The following PALLD variants were observed in gnomAD, a reference collection of about 807,000 sequenced individuals.
PALLD encodes palladin, cytoskeletal associated protein, also known as palladin.
Under a neutral mutation model 123.5 loss-of-function variants are expected in PALLD, and 61 were observed. The ratio of observed to expected loss-of-function variants is 0.49; its 90% CI spans 0.40 to 0.61. PALLD has a LOEUF of 0.61. Among genes scored for constraint, PALLD ranks in the 20% least tolerant of loss-of-function variants. PALLD has a pLI of 0.00. For missense variants in PALLD, 1,273 were observed against 1,377.0 expected (o/e 0.92, Z 1.20); for synonymous variants, 465 against 496.4 (o/e 0.94, Z 0.84).
chr4:168,575,216 C>T (rs1055808998), intron 2 of PALLD, among the ~76,000 whole-genome samples: 21 of 152,126 alleles, frequency 1.4e-4, no homozygotes, highest in African/African-American at 4.1e-4. Context: ...TGGATTAGTC[C>T]GTTTTCACAC....
At chr4:168,892,959 A>G (rs997678934) in intron 11 of PALLD, among the ~76,000 whole-genome samples, 11 of 152,208 alleles carry the variant, frequency 7.2e-5, no homozygotes, top group African/African-American at 2.7e-4. Flanking sequence ...GGGATTCTCA[A>G]CCAACTTTTT....
At chr4:168,587,068 A>G (rs72982736) in intron 2 of PALLD, among the ~76,000 whole-genome samples, 12,057 of 152,286 alleles carry the variant, frequency 0.079, 523 homozygotes, top group African/African-American at 0.083. Context: ...AGTAGAAGCC[A>G]GAGAAGCTGC....
chr4:168,678,198 T>G (rs941286082), intron 3 of PALLD: 2 of 152,158 alleles, frequency 1.3e-5, no homozygotes, highest in Non-Finnish European at 2.9e-5. Context: ...ACCACTGCTT[T>G]CTAGTTATGT....
intron 10 of PALLD, chr4:168,877,604 TG>T: frequency 3.0e-6 from 1 of 332,874 alleles, no homozygotes; most frequent in Non-Finnish European, 4.6e-6. Flanking sequence ...GCCCGTTCCC[TG>T]GGTGTTCTCT....
chr4:168,701,499 A>G (rs12649675), intron 8 of PALLD, among the ~76,000 whole-genome samples: 27,878 of 152,212 alleles, frequency 0.18, 3,304 homozygotes, highest in East Asian at 0.35. Flanking sequence ...GAAAAATGGC[A>G]TGACTAAAAG....
intron 10 of PALLD, among the ~76,000 whole-genome samples, chr4:168,759,311 A>G (rs1233886647): frequency 6.8e-6 from 1 of 146,644 alleles, no homozygotes; most frequent in Non-Finnish European, 1.5e-5. Context: ...TTCCAGTTCA[A>G]TCATCCCCTA....
At chr4:168,549,778 C>A (rs1219710147) in intron 2 of PALLD, among the ~76,000 whole-genome samples, 1 of 148,134 alleles carries the variant, frequency 6.8e-6, no homozygotes, top group African/African-American at 2.5e-5. Context: ...ACAAGAACCA[C>A]AAAAAAAAAA....
chr4:168,862,638 A>G (rs1749663295), intron 10 of PALLD, among the ~76,000 whole-genome samples: 1 of 152,234 alleles, frequency 6.6e-6, no homozygotes, highest in South Asian at 2.1e-4. Flanking sequence ...TTACAGGGTA[A>G]GAAACTAAAA....
rs1762615596 is a variant in PALLD at position 168,926,640 on chromosome 4, T to G, written c.*460T>G. 2.6e-6 allele frequency: 1 copy of G among 384,020 alleles called. No individual in the cohort carries two copies. Among genetic ancestry groups the G allele is most frequent in the African/African-American group, 2.0e-5 (1 of 49,434 alleles). The allele number at this position is 384,020 out of a possible 1,614,324, so 23.8% of individuals were successfully genotyped here. A position where few individuals can be genotyped will look rare whatever the true frequency, so the allele number is the denominator to read the frequency against. On this transcript the variant is annotated 3_prime_UTR_variant, in exon 22 of 22. Transcript: ENST00000505667. ...AACTTTGGAATTGCTGTGATTAAAG[T>G]GATCAAAATGCCAAAATACTAAAGG...
chr4:168,574,907 A>G (rs1470789294), intron 2 of PALLD, among the ~76,000 whole-genome samples: 3 of 151,970 alleles, frequency 2.0e-5, no homozygotes, highest in African/African-American at 4.8e-5. Context: ...TGTATTTATC[A>G]CTCTCTGACT....
chr4:168,533,612 T>C (rs1041260720), intron 2 of PALLD, among the ~76,000 whole-genome samples: 2 of 152,142 alleles, frequency 1.3e-5, no homozygotes, highest in African/African-American at 2.4e-5. Flanking sequence ...GTCTGAGGTA[T>C]AGGAAGAGCA....
At chr4:168,562,975 A>G (rs1025825853) in intron 2 of PALLD, among the ~76,000 whole-genome samples, 2 of 152,188 alleles carry the variant, frequency 1.3e-5, no homozygotes, top group Admixed American at 1.3e-4. Flanking sequence ...ATAGAAGTGG[A>G]GATGGTGAAA....
intron 2 of PALLD, among the ~76,000 whole-genome samples, chr4:168,516,991 T>C (rs1763048715): frequency 1.3e-5 from 2 of 152,102 alleles, no homozygotes; most frequent in African/African-American, 4.8e-5. Flanking sequence ...TTGGCAGCTG[T>C]AGTGGGAGGT....
At chr4:168,560,859 T>C (rs762133117) in intron 2 of PALLD, among the ~76,000 whole-genome samples, 6 of 152,216 alleles carry the variant, frequency 3.9e-5, no homozygotes, top group Non-Finnish European at 7.3e-5. Context: ...ACTCTGGATA[T>C]GGGCAAATAT....
intron 1 of PALLD, among the ~76,000 whole-genome samples, chr4:168,508,180 G>T (rs1335801530): frequency 6.6e-6 from 1 of 152,110 alleles, no homozygotes. Context: ...AAATGTTAGA[G>T]ATGAATATGC....
Position 168,926,533 on chromosome 4 carries a change from T to G in PALLD, c.*353T>G. ...CCAAAATAATATTTTTCTTACTTGATATACCAAACTTAGTTTAAGTAGATA... is the reference window on the plus strand; with the variant it reads ...CCAAAATAATATTTTTCTTACTTGAGATACCAAACTTAGTTTAAGTAGATA... On this transcript the variant is annotated 3_prime_UTR_variant, in exon 22 of 22. Transcript: ENST00000505667. 2 of 600,354 alleles carry G rather than the reference T, an allele frequency of 3.3e-6. No individual in the cohort carries two copies. The highest frequency in any genetic ancestry group is 2.8e-6 in the Non-Finnish European group (1 of 352,416). The allele number at this position is 600,354 out of a possible 1,614,324, so 37.2% of individuals were successfully genotyped here.
chr4:168,736,576 G>A (rs984061826), intron 10 of PALLD, among the ~76,000 whole-genome samples: 1 of 152,120 alleles, frequency 6.6e-6, no homozygotes, highest in Non-Finnish European at 1.5e-5. Flanking sequence ...AGAAAGGCTG[G>A]GAAATAATGA....
chr4:168,648,261 G>T (rs1459391558), intron 2 of PALLD: 1 of 152,038 alleles, frequency 6.6e-6, no homozygotes, highest in Non-Finnish European at 1.5e-5. Context: ...CTAGATAGAG[G>T]TTCATAATGG....
At chr4:168,559,924 G>GAA (rs1767698551) in intron 2 of PALLD, among the ~76,000 whole-genome samples, 1 of 151,906 alleles carries the variant, frequency 6.6e-6, no homozygotes. Context: ...AAGAGAAAGA[G>GAA]AGAGAGAGAG....
Sources: gnomAD v4.1 joint callset for allele counts (sites outside exome capture counted in the v4.1 genomes callset) on GRCh38, gnomAD v4.1.1 for gene constraint, MANE v1.5 for transcripts, NCBI Gene and HGNC (gene_info 2026-07-23, HGNC 2026-07-21) for gene names.